COQ3: variants seen among roughly 807,000 people sequenced by gnomAD.
COQ3 encodes coenzyme Q3, methyltransferase, also known as ubiquinone biosynthesis O-methyltransferase, mitochondrial.
Under a neutral mutation model 33.1 loss-of-function variants are expected in COQ3, and 29 were observed. The ratio of observed to expected loss-of-function variants is 0.88; its 90% CI spans 0.65 to 1.19. COQ3 has a LOEUF of 1.19. COQ3 is among the 50% of genes most tolerant of loss of function. The pLI is 0.00. For missense variants in COQ3, 437 were observed against 430.7 expected (o/e 1.01, Z -0.13); for synonymous variants, 173 against 157.8 (o/e 1.10, Z -0.72).
intron 1 of COQ3, among the ~76,000 whole-genome samples, chr6:99,388,261 C>G (rs1774713199): frequency 6.6e-6 from 1 of 152,066 alleles, no homozygotes; most frequent in African/African-American, 2.4e-5. Flanking sequence ...TAACAATGAA[C>G]AAGTGGAAGG....
chr6:99,391,030 C>A (rs766969445), intron 1 of COQ3, among the ~76,000 whole-genome samples: 4 of 151,970 alleles, frequency 2.6e-5, no homozygotes, highest in Non-Finnish European at 4.4e-5. Context: ...AAACCCATTA[C>A]AATGTTCTTT....
chr6:99,392,629 C>CT (rs398002413), intron 1 of COQ3, among the ~76,000 whole-genome samples: 21,792 of 143,226 alleles, frequency 0.15, 1,871 homozygotes, highest in Non-Finnish European at 0.19. Flanking sequence ...TCTCCAACTG[C>CT]TTTTTTTTTT....
chr6:99,373,078 C>A (rs1050618262), intron 5 of COQ3, among the ~76,000 whole-genome samples: 18 of 152,242 alleles, frequency 1.2e-4, no homozygotes, highest in African/African-American at 4.3e-4. Flanking sequence ...TCTAAAATAT[C>A]TTTTTTTCCC....
rs753649893 is a variant in COQ3, at chr6:99,376,066, T to A, written c.603A>T (p.Arg201Ser). The change falls in exon 5 of 7, where the codon AGA becomes AGT. Residue 201 changes from arginine (R) to serine (S), a missense_variant. By Grantham distance (110) the Arg-to-Ser change is moderately radical. Transcript: ENST00000254759. Reference sequence around the variant, plus strand: ...CCACAATCTCTTCCAGGGAACACACTCTGTACTCTATTCTCTTATCCAGGA... The same window carrying A: ...CCACAATCTCTTCCAGGGAACACACACTGTACTCTATTCTCTTATCCAGGA... ...DPVLDKRIEY[R>S]VCSLEEIVEE... 1.2e-6 allele frequency: 2 copies of A among 1,614,128 alleles called. No homozygotes were observed. The highest frequency in any genetic ancestry group is 1.7e-6 in the Non-Finnish European group (2 of 1,180,008).
chr6:99,379,111 C>G (rs1774394336), intron 3 of COQ3, among the ~76,000 whole-genome samples: 1 of 151,790 alleles, frequency 6.6e-6, no homozygotes, highest in Non-Finnish European at 1.5e-5. Flanking sequence ...GTGTGCTGCA[C>G]CCATTAACTC....
At chr6:99,377,537 G>A (rs763635827) in intron 3 of COQ3, 52 bp from the exon 4 acceptor site, 101 of 1,320,016 alleles carry the variant, frequency 7.7e-5, no homozygotes, top group Admixed American at 3.7e-4. Flanking sequence ...TTTTATCAAC[G>A]AAAAGTCACA....
In COQ3 at chr6:99,369,556, A is replaced by G. The variant is rs1385917358; in HGVS notation, c.*44T>C. 7.6e-7 allele frequency: 1 copy of G among 1,324,092 alleles called. No homozygotes were observed. Among genetic ancestry groups the G allele is most frequent in the Non-Finnish European group, 1.1e-6 (1 of 931,760 alleles). 82.0% of individuals were successfully genotyped at this position (1,324,092 alleles called of 1,614,324 possible). A position where few individuals can be genotyped will look rare whatever the true frequency, so the allele number is the denominator to read the frequency against. On this transcript the variant is annotated 3_prime_UTR_variant, in exon 7 of 7. Transcript: ENST00000254759. ...AAATTGTACATTTTTGTATTTGAAA[A>G]CATCAGATATCCAAGCCATATTACT...
intron 3 of COQ3, 77 bp downstream of exon 3, chr6:99,380,112 C>A: frequency 7.0e-7 from 1 of 1,426,552 alleles, no homozygotes; most frequent in Non-Finnish European, 9.6e-7. Flanking sequence ...TAGGTATAAA[C>A]TAAGAAAAAA....
intron 6 of COQ3, among the ~76,000 whole-genome samples, chr6:99,370,325 CTTTCT>C (rs1340171643): frequency 3.1e-5 from 4 of 128,978 alleles, no homozygotes; most frequent in Admixed American, 8.5e-5. Context: ...TCTTTTCTTT[CTTTCT>C]TTTCTTTTCT....
intron 3 of COQ3, 22 bp from the exon 4 acceptor site, chr6:99,377,507 A>C (rs1165755472): frequency 1.3e-6 from 2 of 1,517,054 alleles, no homozygotes; most frequent in Admixed American, 3.6e-5. Flanking sequence ...AATTCAAAAC[A>C]TACCAAAACA....
chr6:99,378,882 A>G (rs1774380988), intron 3 of COQ3, among the ~76,000 whole-genome samples: 1 of 152,014 alleles, frequency 6.6e-6, no homozygotes, highest in Admixed American at 6.5e-5. Context: ...TGTCTGTTAC[A>G]GTGCTTTGCC....
At chr6:99,375,875 T>C (rs1389879271) in intron 5 of COQ3, 65 bp downstream of exon 5, 17 of 1,567,406 alleles carry the variant, frequency 1.1e-5, no homozygotes, top group Admixed American at 1.7e-5. Flanking sequence ...GACCATTTTA[T>C]TGCTATAGAT....
intron 1 of COQ3, among the ~76,000 whole-genome samples, chr6:99,386,214 G>T (rs927699691): frequency 6.6e-6 from 1 of 152,042 alleles, no homozygotes; most frequent in Non-Finnish European, 1.5e-5. Context: ...TGGATCACTT[G>T]AGGTCAGGAG....
At chr6:99,390,697 G>T (rs982009557) in intron 1 of COQ3, among the ~76,000 whole-genome samples, 9 of 152,056 alleles carry the variant, frequency 5.9e-5, no homozygotes, top group Admixed American at 5.9e-4. Context: ...AGTTTTAATT[G>T]TTTGTTTTTG....
chr6:99,376,213 G>C, intron 4 of COQ3, 31 bp from the exon 5 acceptor site: 1 of 1,603,628 alleles, frequency 6.2e-7, no homozygotes, highest in Non-Finnish European at 8.5e-7. Flanking sequence ...GTTACCCTCA[G>C]GAAGAAAATA....
chr6:99,378,105 CAT>C (rs57039767), intron 3 of COQ3, among the ~76,000 whole-genome samples: 33 of 77,542 alleles, frequency 4.3e-4, no homozygotes, highest in African/African-American at 1.7e-3. Context: ...GTAAACTAAA[CAT>C]ATATATATAT....
At chr6:99,394,020 G>C (rs1403420388) in intron 1 of COQ3, 54 bp downstream of exon 1, 2 of 1,467,932 alleles carry the variant, frequency 1.4e-6, no homozygotes, top group South Asian at 1.1e-5. Context: ...CATGCGCAGA[G>C]ACGCCAGCGC....
intron 1 of COQ3, 94 bp downstream of exon 1, chr6:99,393,980 C>G: frequency 9.5e-7 from 1 of 1,057,322 alleles, no homozygotes; most frequent in Non-Finnish European, 1.5e-6. Context: ...TCGCGAGGTC[C>G]AGAGACAACC....
chr6:99,374,133 A>AT (rs1482753627), intron 5 of COQ3, among the ~76,000 whole-genome samples: 27 of 149,902 alleles, frequency 1.8e-4, no homozygotes, highest in South Asian at 6.7e-4. Context: ...AAAAAAAAAA[A>AT]AAAAAAAAAA....
Sources: allele counts gnomAD v4.1 joint callset (sites outside exome capture counted in the v4.1 genomes callset), GRCh38; gene constraint gnomAD v4.1.1; transcripts MANE v1.5; gene names NCBI Gene and HGNC (gene_info 2026-07-23, HGNC 2026-07-21).